Variants in NAV2 observed in about 807,000 individuals in gnomAD.
The protein encoded by NAV2 is helicase, APC down-regulated 1.
NAV2 carries 54 observed loss-of-function variants against 223.2 expected under a neutral mutation model. The observed-to-expected ratio is 0.24, with a 90% CI of 0.19 to 0.30. The LOEUF (loss-of-function observed/expected upper bound fraction) is 0.30, where lower values mean the gene tolerates loss of function less well. Among genes scored for constraint, NAV2 ranks in the 10% least tolerant of loss-of-function variants. NAV2 has a pLI of 1.00. For synonymous variants in NAV2, 1,279 were observed against 1,239.3 expected (o/e 1.03, Z -0.67); for missense variants, 2,806 against 3,147.5 (o/e 0.89, Z 2.60).
chr11:19,408,513 G>A lies in NAV2; in HGVS notation c.75+57486G>A, dbSNP rs376543451. ...GTATCATTGTTTGGGAATCCCCTTG[G>A]CAGTTCAGGTCCTGCTACCTCAAAA... On this transcript the variant is annotated intron_variant, in intron 1 of 37. Coordinates refer to the NAV2 transcript ENST00000360655. Among the ~76,000 whole-genome samples the A allele has an allele frequency of 1.4e-4, 21 of 152,250 alleles. No individual in the cohort carries two copies. The East Asian group carries it at 1.9e-3, about 14-fold the overall frequency.
At chr11:19,858,378 A>T (rs1251414105) in intron 3 of NAV2, among the ~76,000 whole-genome samples, 1 of 152,226 alleles carries the variant, frequency 6.6e-6, no homozygotes, top group African/African-American at 2.4e-5. Context: ...GTTGTTGCAG[A>T]TGGCAGGATT....
rs200775998 is a variant in NAV2, at chr11:19,596,655, T to C, written c.76-235829T>C. Among the ~76,000 whole-genome samples, 5 of 152,272 alleles carry C rather than the reference T, an allele frequency of 3.3e-5. No homozygotes were observed. In the East Asian group the frequency reaches 9.7e-4, roughly 29 times the overall value. ...AGCTCGCTGGGTTTGTCTGCCCCCT[T>C]CCCAAGGGACACAGGCAGACAGACA... On this transcript the variant is annotated intron_variant, in intron 1 of 37. Coordinates refer to the NAV2 transcript ENST00000360655.
intron 3 of NAV2, among the ~76,000 whole-genome samples, chr11:19,857,531 A>C (rs571740963): frequency 1.1e-3 from 165 of 152,286 alleles, no homozygotes; most frequent in African/African-American, 3.9e-3. Flanking sequence ...GTAGATGCTC[A>C]ATCTGTATTT....
chr11:19,677,957 G>A (rs1274366088), intron 1 of NAV2, among the ~76,000 whole-genome samples: 2 of 152,164 alleles, frequency 1.3e-5, no homozygotes, highest in Admixed American at 6.5e-5. Context: ...TTTTCCAAAC[G>A]CCTGGAAACT....
intron 25 of NAV2, chr11:20,082,615 C>G (rs777405622): frequency 6.2e-7 from 1 of 1,612,950 alleles, no homozygotes; most frequent in Non-Finnish European, 8.5e-7. Flanking sequence ...GCAAGACCAA[C>G]TTTAATATCA....
At chr11:19,875,122 A>G (rs1032853996) in intron 4 of NAV2, among the ~76,000 whole-genome samples, 1 of 152,182 alleles carries the variant, frequency 6.6e-6, no homozygotes, top group Admixed American at 6.5e-5. Context: ...GTGCCACTGC[A>G]CTCCAGCCTG....
chr11:19,420,885 G>A lies in NAV2; in HGVS notation c.75+69858G>A, dbSNP rs974591571. 3.3e-5 allele frequency among the ~76,000 whole-genome samples: 5 copies of A among 152,174 alleles called. 2 individuals are homozygous for A. Among genetic ancestry groups the A allele is most frequent in the Admixed American group, 3.3e-4 (5 of 15,270 alleles). On this transcript the variant is annotated intron_variant, in intron 1 of 37. Transcript: ENST00000360655. The stretch of plus-strand genomic sequence containing the variant: ...TATGCATTGTCCTGTCTTCTGTTAT[G>A]CTTCAATTAAAAGCTAAGCTAACAA...
chr11:19,931,564 T>A (rs968720303), intron 6 of NAV2, among the ~76,000 whole-genome samples: 18 of 138,418 alleles, frequency 1.3e-4, no homozygotes, highest in African/African-American at 4.8e-4. Flanking sequence ...CAGTTTACTC[T>A]GTTGCTAGAA....
At chr11:19,834,307 T>C (rs2060113911) in intron 2 of NAV2, among the ~76,000 whole-genome samples, 1 of 152,230 alleles carries the variant, frequency 6.6e-6, no homozygotes, top group Non-Finnish European at 1.5e-5. Context: ...CGGTGAAGCT[T>C]AGTAGTCCAA....
intron 1 of NAV2, among the ~76,000 whole-genome samples, chr11:19,629,567 A>C (rs927339283): frequency 6.6e-6 from 1 of 151,290 alleles, no homozygotes. Flanking sequence ...ACACACACAC[A>C]CACACACACA....
intron 1 of NAV2, among the ~76,000 whole-genome samples, chr11:19,797,113 T>C (rs2057956613): frequency 6.6e-6 from 1 of 152,056 alleles, no homozygotes; most frequent in African/African-American, 2.4e-5. Flanking sequence ...GATGGAGGCA[T>C]GTAGAGGATC....
intron 3 of NAV2, among the ~76,000 whole-genome samples, chr11:19,866,901 C>T (rs1016923341): frequency 1.3e-5 from 2 of 151,988 alleles, no homozygotes; most frequent in Non-Finnish European, 2.9e-5. Context: ...ATTGCCAAAG[C>T]CTCACTCACC....
intron 11 of NAV2, chr11:20,023,208 T>C: frequency 2.8e-6 from 4 of 1,410,864 alleles, no homozygotes; most frequent in Non-Finnish European, 1.9e-6. Flanking sequence ...CCTTGGCCGG[T>C]ATTGAAAAGC....
At chr11:20,112,857 C>T (rs1051052357) in intron 36 of NAV2, among the ~76,000 whole-genome samples, 1 of 152,200 alleles carries the variant, frequency 6.6e-6, no homozygotes, top group East Asian at 1.9e-4. Context: ...CTTGGAAAGA[C>T]GTGGTTTTGT....
At chr11:20,065,169 C>T (rs770768142) in intron 20 of NAV2, among the ~76,000 whole-genome samples, 10 of 152,166 alleles carry the variant, frequency 6.6e-5, no homozygotes, top group Non-Finnish European at 1.5e-4. Context: ...TTACATTCTT[C>T]GTGATAATGA....
At chr11:19,514,988 T>A (rs188641900) in intron 1 of NAV2, among the ~76,000 whole-genome samples, 110 of 152,334 alleles carry the variant, frequency 7.2e-4, no homozygotes, top group African/African-American at 2.6e-3. Context: ...CAGCTGAATG[T>A]CTGACTTTGG....
intron 1 of NAV2, among the ~76,000 whole-genome samples, chr11:19,649,551 C>G: frequency 6.6e-6 from 1 of 152,172 alleles, no homozygotes; most frequent in Non-Finnish European, 1.5e-5. Context: ...TCATTGTATT[C>G]TCACAGCGAG....
Position 20,095,777 on chromosome 11 carries a change from T to G in NAV2, c.6012+10T>G. 2.5e-6 allele frequency: 4 copies of G among 1,605,550 alleles called. No homozygotes were observed. The highest frequency in any genetic ancestry group is 3.4e-6 in the Non-Finnish European group (4 of 1,172,196). Reference sequence around the variant, plus strand: ...TAGACGGCTGTTCAAAGTAAGTGTTTCAAGACAACGGCTACAGCATACTAC... The same window carrying G: ...TAGACGGCTGTTCAAAGTAAGTGTTGCAAGACAACGGCTACAGCATACTAC... On this transcript the variant is annotated intron_variant, in intron 30 of 37. Coordinates refer to ENST00000349880, the MANE Select transcript of NAV2 (RefSeq NM_145117.5).
At chr11:19,527,314 C>G (rs1400871572) in intron 1 of NAV2, among the ~76,000 whole-genome samples, 1 of 152,186 alleles carries the variant, frequency 6.6e-6, no homozygotes, top group Non-Finnish European at 1.5e-5. Context: ...TGCCTTCTGT[C>G]ACGATTATGA....
Sources: allele counts gnomAD v4.1 joint callset (sites outside exome capture counted in the v4.1 genomes callset), GRCh38; gene constraint gnomAD v4.1.1; transcripts MANE v1.5; gene names NCBI Gene and HGNC (gene_info 2026-07-23, HGNC 2026-07-21).